Variants in DLGAP1 observed in about 807,000 individuals in gnomAD.
The protein encoded by DLGAP1 is disks large-associated protein 1.
A neutral mutation model predicts 90.8 loss-of-function variants in DLGAP1; 11 were observed. That is an observed-to-expected ratio of 0.12 (90% confidence interval 0.08 to 0.20). DLGAP1 has a LOEUF of 0.20. Ranked by LOEUF, DLGAP1 falls within the 10% of genes least tolerant of loss-of-function variation. The pLI is 1.00. For synonymous variants in DLGAP1, 558 were observed against 540.7 expected (o/e 1.03, Z -0.44); for missense variants, 1,050 against 1,333.8 (o/e 0.79, Z 3.31).
At chr18:4,034,622 A>ATAGCAAAGTTGGTCACCTTTC (rs2074858296) in intron 2 of DLGAP1, among the ~76,000 whole-genome samples, 1 of 152,110 alleles carries the variant, frequency 6.6e-6, no homozygotes, top group South Asian at 2.1e-4. Context: ...CAACACCTTT[A>ATAGCAAAGTTGGTCACCTTTC]TAGCAAAGTT....
intron 12 of DLGAP1, among the ~76,000 whole-genome samples, chr18:3,501,797 G>A (rs951288949): frequency 1.3e-5 from 2 of 152,038 alleles, no homozygotes; most frequent in African/African-American, 4.8e-5. Flanking sequence ...TTGGATACCC[G>A]TGTGAGCCTC....
At chr18:3,561,278 AAC>A (rs1555680531) in intron 9 of DLGAP1, among the ~76,000 whole-genome samples, 23,261 of 133,560 alleles carry the variant, frequency 0.17, 2,123 homozygotes, top group East Asian at 0.3. Flanking sequence ...AAAAAAAAAA[AAC>A]AAACAAAAAA....
intron 1 of DLGAP1, among the ~76,000 whole-genome samples, chr18:4,234,087 A>G (rs1400958355): frequency 6.6e-6 from 1 of 151,590 alleles, no homozygotes; most frequent in African/African-American, 2.4e-5. Flanking sequence ...AAGCCATGTA[A>G]AGTTTCTTTT....
chr18:3,897,864 G>A (rs535384404), intron 3 of DLGAP1, among the ~76,000 whole-genome samples: 5 of 141,136 alleles, frequency 3.5e-5, no homozygotes, highest in South Asian at 2.2e-4. Context: ...GCGCAATCTC[G>A]GCTCACTGCA....
At chr18:3,725,994 G>A (rs564735693) in intron 7 of DLGAP1, among the ~76,000 whole-genome samples, 80 of 152,290 alleles carry the variant, frequency 5.3e-4, no homozygotes, top group African/African-American at 1.9e-3. Context: ...GAAAATGTGA[G>A]CAATTAAAAT....
chr18:4,000,625 T>C (rs1263023894), intron 3 of DLGAP1, among the ~76,000 whole-genome samples: 1 of 152,224 alleles, frequency 6.6e-6, no homozygotes, highest in Non-Finnish European at 1.5e-5. Context: ...CTCCCTGAGT[T>C]GTTGTGTGTT....
At chr18:3,886,873 C>T (rs141612655) in intron 3 of DLGAP1, among the ~76,000 whole-genome samples, 147 of 152,280 alleles carry the variant, frequency 9.7e-4, no homozygotes, top group African/African-American at 3.2e-3. Context: ...GAGGGGCATA[C>T]GCTTCTTTAC....
At chr18:3,614,856 A>AG (rs2057787894) in intron 7 of DLGAP1, among the ~76,000 whole-genome samples, 1 of 150,974 alleles carries the variant, frequency 6.6e-6, no homozygotes, top group Admixed American at 6.6e-5. Context: ...TCTCAAGAAA[A>AG]AAAAAAAAAA....
chr18:4,046,804 A>G (rs1598299659), intron 2 of DLGAP1, among the ~76,000 whole-genome samples: 1 of 152,214 alleles, frequency 6.6e-6, no homozygotes, highest in East Asian at 1.9e-4. Flanking sequence ...AAGTGTCTGT[A>G]GAACATATAT....
chr18:3,729,703 C>A lies in DLGAP1; in HGVS notation c.1351-328G>T, dbSNP rs1272709302. On this transcript the variant is annotated intron_variant, in intron 6 of 12. Transcript: ENST00000315677. This position sits in a 1 kb window ranked among gnomAD's most constrained non-coding sequence, Gnocchi z 6.2. ...GGATTACAGGCATGAGCTACCACCACCAGCCGTGATTACATTTTAAAGAAA... is the reference window on the plus strand; with the variant it reads ...GGATTACAGGCATGAGCTACCACCAACAGCCGTGATTACATTTTAAAGAAA... Among the ~76,000 whole-genome samples the A allele has an allele frequency of 1.3e-5, 2 of 152,108 alleles. No individual in the cohort carries two copies. The highest frequency in any genetic ancestry group is 4.8e-5 in the African/African-American group (2 of 41,402).
intron 2 of DLGAP1, among the ~76,000 whole-genome samples, chr18:4,043,694 C>T (rs996340837): frequency 2.0e-5 from 3 of 152,072 alleles, no homozygotes; most frequent in African/African-American, 4.8e-5. Context: ...ATCACAGTTC[C>T]GATTTAGAAT....
chr18:3,768,171 A>C (rs563565409), intron 5 of DLGAP1, among the ~76,000 whole-genome samples: 5 of 152,282 alleles, frequency 3.3e-5, no homozygotes, highest in African/African-American at 1.2e-4. Context: ...GAACACCTGG[A>C]CGCAGAAATT....
rs1239397082 is a variant in DLGAP1 at position 4,113,079 on chromosome 18, C to T, written c.-159+38101G>A. On this transcript the variant is annotated intron_variant, in intron 2 of 12. Coordinates refer to ENST00000315677, the MANE Select transcript of DLGAP1 (RefSeq NM_004746.4). ...TAGTGTTGTGATGAACATATGAACA[C>T]GTGTCTTTTTAGTAGAACAATTTAT... Among the ~76,000 whole-genome samples, 7 of 151,854 alleles carry T rather than the reference C, an allele frequency of 4.6e-5. No individual in the cohort carries two copies. In the East Asian group the frequency reaches 9.7e-4, roughly 21 times the overall value.
Position 4,343,055 on chromosome 18 carries a change from G to C in DLGAP1, c.-267+111951C>G, listed in dbSNP as rs12953651. On this transcript the variant is annotated intron_variant, in intron 1 of 12. Coordinates refer to ENST00000315677, the MANE Select transcript of DLGAP1 (RefSeq NM_004746.4). Reference sequence around the variant, plus strand: ...GGGCGCGGTGGCTCATGCCTGTAATGCCAGCACTTTGGGAGGCCGAGGCAG... The same window carrying C: ...GGGCGCGGTGGCTCATGCCTGTAATCCCAGCACTTTGGGAGGCCGAGGCAG... Among the ~76,000 whole-genome samples the C allele has an allele frequency of 2.7e-3, 413 of 151,946 alleles. 1 individual carries two copies. The highest frequency in any genetic ancestry group is 4.3e-3 in the Non-Finnish European group (291 of 67,920).
At chr18:4,343,628 A>G (rs2081245591) in intron 1 of DLGAP1, among the ~76,000 whole-genome samples, 2 of 152,044 alleles carry the variant, frequency 1.3e-5, no homozygotes, top group Non-Finnish European at 2.9e-5. Flanking sequence ...GGAGGGGAAC[A>G]TCACACACTG....
In DLGAP1 at chr18:3,575,781, G is replaced by GC. The variant is rs551622092; in HGVS notation, c.1965+6093dup. On this transcript the variant is annotated intron_variant, in intron 8 of 12. Transcript: ENST00000315677. ...ATCCAGAGCAGCCAGTCCCCACAAT[G>GC]CCCCCATCACCCCCAGCACTAGGGT... Among the ~76,000 whole-genome samples the GC allele has an allele frequency of 9.2e-5, 14 of 152,102 alleles. No homozygotes were observed. In the South Asian group the frequency reaches 1.9e-3, roughly 20 times the overall value.
chr18:3,754,894 A>G (rs1426081598), intron 5 of DLGAP1, among the ~76,000 whole-genome samples: 4 of 150,322 alleles, frequency 2.7e-5, no homozygotes, highest in Non-Finnish European at 5.9e-5. Flanking sequence ...GACTCCATCT[A>G]AAAAAAAATA....
intron 7 of DLGAP1, among the ~76,000 whole-genome samples, chr18:3,598,628 C>A (rs758101301): frequency 1.3e-5 from 2 of 151,850 alleles, no homozygotes; most frequent in Non-Finnish European, 2.9e-5. Context: ...CCACCCCGCC[C>A]AGCTAATTTT....
chr18:3,549,902 A>T (rs929815856), intron 9 of DLGAP1, among the ~76,000 whole-genome samples: 116 of 151,858 alleles, frequency 7.6e-4, no homozygotes, highest in African/African-American at 2.2e-3. Flanking sequence ...TTAATTAATT[A>T]ATTTATTTAT....
Sources: gnomAD v4.1 joint callset for allele counts (sites outside exome capture counted in the v4.1 genomes callset) on GRCh38, gnomAD v4.1.1 for gene constraint, Gnocchi (gnomAD v3.1) non-coding constraint, MANE v1.5 for transcripts, NCBI Gene and HGNC (gene_info 2026-07-23, HGNC 2026-07-21) for gene names.